The following MCU variants were observed in gnomAD, a reference collection of about 807,000 sequenced individuals.
MCU encodes the protein mitochondrial calcium uniporter.
A neutral mutation model predicts 45.2 loss-of-function variants in MCU; 12 were observed. The ratio of observed to expected loss-of-function variants is 0.27; its 90% confidence interval spans 0.17 to 0.43. MCU has a LOEUF of 0.43. Among genes scored for constraint, MCU ranks in the 20% least tolerant of loss-of-function variants. The pLI is 1.00. For synonymous variants in MCU, 160 were observed against 165.1 expected (o/e 0.97, Z 0.24); for missense variants, 324 against 436.7 (o/e 0.74, Z 2.30).
intron 1 of MCU, among the ~76,000 whole-genome samples, chr10:72,825,915 C>G (rs554522799): frequency 6.6e-6 from 1 of 152,274 alleles, no homozygotes; most frequent in South Asian, 2.1e-4. Flanking sequence ...AGAGATGAGA[C>G]TAGAATCTAG....
At chr10:72,767,874 CAGG>C (rs1843750376) in intron 1 of MCU, among the ~76,000 whole-genome samples, 1 of 152,066 alleles carries the variant, frequency 6.6e-6, no homozygotes, top group Admixed American at 6.6e-5. Context: ...TATGAATAGA[CAGG>C]AGTTTAATTT....
intron 1 of MCU, among the ~76,000 whole-genome samples, chr10:72,710,606 A>G (rs1842880645): frequency 7.2e-6 from 1 of 138,880 alleles, no homozygotes; most frequent in African/African-American, 2.7e-5. Flanking sequence ...AGGAAATTAC[A>G]TTATGTTCAA....
In MCU at chr10:72,768,787, A is replaced by G. The variant is rs531558795; in HGVS notation, c.151-65572A>G. Among the ~76,000 whole-genome samples the G allele has an allele frequency of 9.2e-5, 14 of 152,328 alleles. No homozygotes were observed. The East Asian group carries it at 2.7e-3, about 29-fold the overall frequency. ...AACTTAGTTTTTTAAAAAAAATTAG[A>G]TACAACTTTTAGACATTTAAATTGT... is the stretch of plus-strand genomic sequence containing the variant. On this transcript the variant is annotated intron_variant, in intron 1 of 7. Coordinates refer to ENST00000373053, the MANE Select transcript of MCU (RefSeq NM_138357.3).
intron 1 of MCU, 25 bp downstream of exon 1, chr10:72,692,326 C>G (rs1412535114): frequency 8.4e-7 from 1 of 1,196,820 alleles, no homozygotes; most frequent in South Asian, 4.2e-5. Context: ...CCGGAGGCTC[C>G]GGGGAGGGCG....
At chr10:72,737,381 C>G (rs532517587) in intron 1 of MCU, among the ~76,000 whole-genome samples, 1 of 152,314 alleles carries the variant, frequency 6.6e-6, no homozygotes, top group South Asian at 2.1e-4. Flanking sequence ...ATTGCTAGGC[C>G]TGGGCCCCAG....
chr10:72,718,680 G>T (rs1314494040), intron 1 of MCU, among the ~76,000 whole-genome samples: 1 of 152,116 alleles, frequency 6.6e-6, no homozygotes, highest in Non-Finnish European at 1.5e-5. Context: ...TTCACCAAAA[G>T]ACCTGGACAA....
chr10:72,843,312 T>G (rs941416136), intron 2 of MCU, among the ~76,000 whole-genome samples: 8 of 152,342 alleles, frequency 5.3e-5, no homozygotes, highest in African/African-American at 1.9e-4. Flanking sequence ...TATTCATGTC[T>G]CCCTTCTCCC....
Position 72,885,796 on chromosome 10 carries a change from C to T in MCU, c.1030C>T (p.Leu344Phe), listed in dbSNP as rs1845766184. 1 of 1,613,764 alleles carries T rather than the reference C, an allele frequency of 6.2e-7. No homozygotes were observed. The highest frequency in any genetic ancestry group is 8.5e-7 in the Non-Finnish European group (1 of 1,179,758). ...AGACCCATTACAAGTACATCTGCCTCTCCGACAAATTGGTGAAAAAGATTG... is the reference window on the plus strand; with the variant it reads ...AGACCCATTACAAGTACATCTGCCTTTCCGACAAATTGGTGAAAAAGATTG... The part of the protein sequence containing the change: ...LRDPLQVHLP[L>F]RQIGEKD Residue 344 changes from leucine (L) to phenylalanine (F), a missense_variant, in exon 8 of 8, where the codon CTC (leucine) becomes TTC (phenylalanine). Leu to Phe is a conservative substitution (Grantham distance 22). Transcript: ENST00000373053.
chr10:72,873,178 C>T (rs1417614255), intron 6 of MCU, among the ~76,000 whole-genome samples: 1 of 151,602 alleles, frequency 6.6e-6, no homozygotes, highest in Non-Finnish European at 1.5e-5. Flanking sequence ...GCCACCACGC[C>T]CGGCTAATTT....
Position 72,834,359 on chromosome 10 carries a change from G to A in MCU, c.151G>A (p.Val51Ile). The A allele has an allele frequency of 6.2e-7, 1 of 1,613,024 alleles. No homozygotes were observed. The highest frequency in any genetic ancestry group is 8.5e-7 in the Non-Finnish European group (1 of 1,179,170). ...TAGATGTATCTTTTGTGTTTTCTAG[G>A]TACACCAGAGGATCGCTTCCTGGCA... ...RHRQQQHHRT[V>I]HQRIASWQNL... The change falls in exon 2 of 8, where the codon GTA becomes ATA. Residue 51 changes from valine to isoleucine, a missense_variant and splice_region_variant. Physicochemically the swap from Val to Ile is conservative, Grantham distance 29 (BLOSUM62 3). Around this residue, in one of 4 missense-constraint regions of MCU, gnomAD observed 111 missense variants for 112.3 expected, o/e 0.99. Transcript: ENST00000373053.
intron 2 of MCU, among the ~76,000 whole-genome samples, chr10:72,840,763 AT>A (rs1235279744): frequency 2.6e-5 from 4 of 152,120 alleles, no homozygotes; most frequent in Non-Finnish European, 2.9e-5. Context: ...AGCACCTTAT[AT>A]TTTTTTATTT....
intron 2 of MCU, among the ~76,000 whole-genome samples, chr10:72,838,596 C>T (rs1844991565): frequency 6.6e-6 from 1 of 152,094 alleles, no homozygotes; most frequent in African/African-American, 2.4e-5. Context: ...TGACTGCTCA[C>T]TGCTCCCTCC....
intron 4 of MCU, among the ~76,000 whole-genome samples, chr10:72,865,960 G>T (rs1040916254): frequency 7.9e-5 from 12 of 151,982 alleles, no homozygotes; most frequent in Admixed American, 6.5e-4. Context: ...TGTATTTTTA[G>T]TAGAGACGGG....
intron 1 of MCU, among the ~76,000 whole-genome samples, chr10:72,800,429 A>C (rs1488662262): frequency 6.6e-6 from 1 of 152,224 alleles, no homozygotes; most frequent in Non-Finnish European, 1.5e-5. Flanking sequence ...ATATTTCAAA[A>C]TCCAAAGAAT....
At chr10:72,742,196 G>GTA (rs1029211696) in intron 1 of MCU, among the ~76,000 whole-genome samples, 2 of 152,074 alleles carry the variant, frequency 1.3e-5, no homozygotes, top group Non-Finnish European at 2.9e-5. Context: ...GGAACATGTT[G>GTA]TACAGGTGTG....
At chr10:72,787,821 C>T (rs1204825192) in intron 1 of MCU, among the ~76,000 whole-genome samples, 3 of 151,806 alleles carry the variant, frequency 2.0e-5, no homozygotes, top group Non-Finnish European at 2.9e-5. Flanking sequence ...CAGGTTCAAG[C>T]GATTCTCCTG....
chr10:72,794,836 G>T (rs1002939696), intron 1 of MCU, among the ~76,000 whole-genome samples: 14 of 151,884 alleles, frequency 9.2e-5, no homozygotes, highest in African/African-American at 3.4e-4. Flanking sequence ...CCCACCTCCC[G>T]TTTGATAGGG....
chr10:72,698,323 A>G (rs1439632092), intron 1 of MCU, among the ~76,000 whole-genome samples: 1 of 152,206 alleles, frequency 6.6e-6, no homozygotes, highest in African/African-American at 2.4e-5. Context: ...TTTTATTTCA[A>G]CTTCAAACAT....
chr10:72,853,627 T>C (rs1331537543), intron 2 of MCU, among the ~76,000 whole-genome samples: 1 of 152,020 alleles, frequency 6.6e-6, no homozygotes, highest in Non-Finnish European at 1.5e-5. Flanking sequence ...GAAAGCCAGA[T>C]CTAAAAAATC....
Sources: gnomAD v4.1 joint callset for allele counts (sites outside exome capture counted in the v4.1 genomes callset) on GRCh38, gnomAD v4.1.1 for gene constraint, gnomAD v4.1.1 regional missense constraint, MANE v1.5 for transcripts, NCBI Gene and HGNC (gene_info 2026-07-23, HGNC 2026-07-21) for gene names.